The following IQCK variants were observed in gnomAD, a reference collection of about 807,000 sequenced individuals.
IQCK encodes the protein IQ motif containing K.
Under a neutral mutation model 28.1 loss-of-function variants are expected in IQCK, and 29 were observed. The observed-to-expected ratio is 1.03, with a 90% CI of 0.77 to 1.41. The LOEUF is 1.41. Ranked by LOEUF, IQCK falls within the 40% of genes most tolerant of loss-of-function variation. The probability of loss-of-function intolerance (pLI) is 0.00; values close to 1 mark genes in which losing one functional copy is unlikely to be tolerated. For synonymous variants in IQCK, 113 were observed against 115.1 expected (o/e 0.98, Z 0.12); for missense variants, 359 against 314.7 (o/e 1.14, Z -1.07).
intron 6 of IQCK, among the ~76,000 whole-genome samples, chr16:19,771,696 A>C (rs1339072127): frequency 6.6e-6 from 1 of 152,218 alleles, no homozygotes; most frequent in African/African-American, 2.4e-5. Flanking sequence ...TTTTCTATGT[A>C]TCTCCATATG....
At chr16:19,810,665 G>A (rs1489904873) in intron 7 of IQCK, among the ~76,000 whole-genome samples, 1 of 151,712 alleles carries the variant, frequency 6.6e-6, no homozygotes, top group East Asian at 1.9e-4. Flanking sequence ...AAAAAGCTAG[G>A]CACAGTGGTG....
intron 9 of IQCK, among the ~76,000 whole-genome samples, chr16:19,854,328 TTCTC>T (rs1320684692): frequency 6.6e-6 from 1 of 152,186 alleles, no homozygotes; most frequent in Non-Finnish European, 1.5e-5. Context: ...CAGTGTCTGG[TTCTC>T]TCTGCCTGGA....
rs1977648456 is a variant in IQCK, at chr16:19,726,129, T to A, written c.182-4301T>A. ...CGGGGTTTCATCGTGTTAGCCACGA[T>A]GGTCTCGATCTCCTGACCTCGTGAT... On this transcript the variant is annotated intron_variant, in intron 1 of 7. Transcript: ENST00000564186. Among the ~76,000 whole-genome samples, 4 of 152,158 alleles carry A rather than the reference T, an allele frequency of 2.6e-5. No individual in the cohort carries two copies. In the South Asian group the frequency reaches 8.3e-4, roughly 32 times the overall value.
chr16:19,730,451 C>T (rs147464229), exon 2 of IQCK: 1 of 1,609,064 alleles, frequency 6.2e-7, no homozygotes, highest in East Asian at 2.2e-5. Context: ...GAGCAGCCTC[C>T]CTTTCCAGAA....
chr16:19,818,904 C>CG (rs532484908), intron 7 of IQCK, among the ~76,000 whole-genome samples: 4 of 151,970 alleles, frequency 2.6e-5, no homozygotes, highest in Non-Finnish European at 5.9e-5. Context: ...TTGACAAGAC[C>CG]GTCTATCCAA....
At chr16:19,774,450 C>T (rs1028669847) in intron 6 of IQCK, among the ~76,000 whole-genome samples, 3 of 117,296 alleles carry the variant, frequency 2.6e-5, no homozygotes, top group Non-Finnish European at 4.9e-5. Context: ...CTCTGTTGCT[C>T]GGGCTGGAGT....
chr16:19,737,231 C>T (rs1032573173), intron 4 of IQCK, among the ~76,000 whole-genome samples: 1 of 151,996 alleles, frequency 6.6e-6, no homozygotes, highest in Non-Finnish European at 1.5e-5. Context: ...TTGACACATC[C>T]TAGGGTCTAT....
intron 1 of IQCK, among the ~76,000 whole-genome samples, chr16:19,721,253 TATC>T (rs537393560): frequency 3.4e-4 from 52 of 152,286 alleles, no homozygotes; most frequent in African/African-American, 1.2e-3. Flanking sequence ...AAAGACAAAT[TATC>T]ATAGCAAACA....
chr16:19,748,389 C>A (rs1009811917), intron 4 of IQCK, among the ~76,000 whole-genome samples: 3 of 152,194 alleles, frequency 2.0e-5, no homozygotes, highest in African/African-American at 7.2e-5. Flanking sequence ...TCTTATCCTT[C>A]CATTTACTAG....
intron 9 of IQCK, among the ~76,000 whole-genome samples, chr16:19,833,186 T>C: frequency 6.6e-6 from 1 of 152,246 alleles, no homozygotes; most frequent in Non-Finnish European, 1.5e-5. Context: ...TACCATACTT[T>C]ACATTAGATC....
chr16:19,816,937 G>A (rs932095634), intron 7 of IQCK, among the ~76,000 whole-genome samples: 1 of 152,162 alleles, frequency 6.6e-6, no homozygotes, highest in Non-Finnish European at 1.5e-5. Flanking sequence ...AGAAAATTGA[G>A]GCTCAGGGAG....
chr16:19,856,346 G>T, intron 9 of IQCK, 141 bp from the exon 9 acceptor site: 1 of 654,492 alleles, frequency 1.5e-6, no homozygotes, highest in Non-Finnish European at 2.7e-6. Flanking sequence ...TGGATCCATG[G>T]GGCCGGAACC....
chr16:19,781,704 C>T (rs1433830011), intron 6 of IQCK, among the ~76,000 whole-genome samples: 1 of 151,952 alleles, frequency 6.6e-6, no homozygotes, highest in Non-Finnish European at 1.5e-5. Context: ...AATGTGATGC[C>T]TCGGCAGGGC....
intron 2 of IQCK, among the ~76,000 whole-genome samples, chr16:19,732,416 A>G (rs932865213): frequency 2.0e-5 from 3 of 152,166 alleles, no homozygotes; most frequent in Non-Finnish European, 4.4e-5. Context: ...ACTTTTCTTC[A>G]GGGTGAACAG....
intron 9 of IQCK, among the ~76,000 whole-genome samples, chr16:19,833,427 T>C (rs561312056): frequency 1.7e-4 from 26 of 152,274 alleles, no homozygotes; most frequent in African/African-American, 6.3e-4. Context: ...AATAGAAATA[T>C]GGCTCTGAGC....
chr16:19,742,052 C>T (rs2054843326), intron 4 of IQCK, among the ~76,000 whole-genome samples: 1 of 152,118 alleles, frequency 6.6e-6, no homozygotes, highest in African/African-American at 2.4e-5. Context: ...AAGGCAGGCA[C>T]ACGGGAGTTC....
intron 4 of IQCK, among the ~76,000 whole-genome samples, chr16:19,756,233 CT>C (rs1224888424): frequency 6.6e-5 from 10 of 152,110 alleles, no homozygotes; most frequent in Admixed American, 1.3e-4. Context: ...GCCATAAGAG[CT>C]GGTGATATTT....
At chr16:19,786,764 A>G (rs1302375164) in intron 6 of IQCK, among the ~76,000 whole-genome samples, 1 of 128,356 alleles carries the variant, frequency 7.8e-6, no homozygotes. Flanking sequence ...AAAAAAAGGA[A>G]GAAATGGAAG....
At chr16:19,735,255 T>C (rs1977974506) in intron 3 of IQCK, 98 bp from the exon 4 acceptor site, 2 of 798,004 alleles carry the variant, frequency 2.5e-6, no homozygotes, top group South Asian at 1.5e-5. Flanking sequence ...TGTGATTGAA[T>C]GGACAGTACC....
Sources: allele counts gnomAD v4.1 joint callset (sites outside exome capture counted in the v4.1 genomes callset), GRCh38; gene constraint gnomAD v4.1.1; transcripts MANE v1.5; gene names NCBI Gene and HGNC (gene_info 2026-07-23, HGNC 2026-07-21).